Variants in PDCL2 observed in about 807,000 individuals in gnomAD.
PDCL2 encodes phosducin like 2.
Under a neutral mutation model 30.3 loss-of-function variants are expected in PDCL2, and 23 were observed. The observed-to-expected ratio is 0.76, with a 90% CI of 0.55 to 1.08. The LOEUF (loss-of-function observed/expected upper bound fraction) is 1.08. Ranked by LOEUF, PDCL2 falls within the 50% of genes least tolerant of loss-of-function variation. The probability of loss-of-function intolerance (pLI) is 0.00; values close to 1 mark genes in which losing one functional copy is unlikely to be tolerated. For synonymous variants in PDCL2, 68 were observed against 86.2 expected, an observed-to-expected ratio of 0.79 and a Z score of 1.17; for missense variants, 243 against 282.3, an observed-to-expected ratio of 0.86 and a Z score of 1.00.
chr4:55,591,511 CA>C (rs1732999872), intron 1 of PDCL2, among the ~76,000 whole-genome samples: 1 of 152,158 alleles, frequency 6.6e-6, no homozygotes, highest in East Asian at 1.9e-4. Context: ...TTCAGCCTCC[CA>C]GGTAGCTGGG....
At chr4:55,562,722 AAG>A in intron 4 of PDCL2, 110 bp from the exon 5 acceptor site, 1 of 681,218 alleles carries the variant, frequency 1.5e-6, no homozygotes. Context: ...ATTAATATAA[AAG>A]CACATTATTA....
Position 55,586,225 on chromosome 4 carries a change from T to C in PDCL2, c.7-3988A>G, listed in dbSNP as rs535650286. 1.9e-3 allele frequency among the ~76,000 whole-genome samples: 288 copies of C among 152,344 alleles called. 1 individual carries two copies. Among genetic ancestry groups the C allele is most frequent in the African/African-American group, 6.7e-3 (280 of 41,584 alleles). ...AATTTCTTCTTTGACCCATTGGTTGTTCAGTAGCATGTTGTTTAGTTTCCA... is the reference window on the plus strand; with the variant it reads ...AATTTCTTCTTTGACCCATTGGTTGCTCAGTAGCATGTTGTTTAGTTTCCA... On this transcript the variant is annotated intron_variant, in intron 1 of 5. Transcript: ENST00000295645.
At chr4:55,561,896 C>T (rs1302596264) in intron 5 of PDCL2, among the ~76,000 whole-genome samples, 2 of 152,072 alleles carry the variant, frequency 1.3e-5, no homozygotes, top group East Asian at 1.9e-4. Flanking sequence ...TGAGAATATA[C>T]ACTACAGAAA....
intron 1 of PDCL2, among the ~76,000 whole-genome samples, chr4:55,589,177 C>A (rs1415128375): frequency 6.6e-6 from 1 of 152,088 alleles, no homozygotes; most frequent in Non-Finnish European, 1.5e-5. Flanking sequence ...TGTTTTATAA[C>A]CTATTTCTGA....
At chr4:55,557,477 C>T (rs1465571156) in intron 5 of PDCL2, among the ~76,000 whole-genome samples, 1 of 152,030 alleles carries the variant, frequency 6.6e-6, no homozygotes, top group Non-Finnish European at 1.5e-5. Context: ...ATTCTCATGA[C>T]AACAACTCCA....
chr4:55,580,378 G>A (rs1035340226), intron 3 of PDCL2, among the ~76,000 whole-genome samples: 1 of 152,102 alleles, frequency 6.6e-6, no homozygotes, highest in South Asian at 2.1e-4. Flanking sequence ...ATTAGAACAG[G>A]TTCATACATT....
intron 4 of PDCL2, among the ~76,000 whole-genome samples, chr4:55,568,958 T>C (rs758278057): frequency 9.9e-5 from 15 of 152,154 alleles, no homozygotes; most frequent in Non-Finnish European, 2.2e-4. Context: ...ATCCCACAGT[T>C]TGTCACTCCT....
chr4:55,579,532 G>C (rs749762182), intron 3 of PDCL2, among the ~76,000 whole-genome samples: 9 of 152,202 alleles, frequency 5.9e-5, no homozygotes, highest in Non-Finnish European at 1.0e-4. Flanking sequence ...TGCCAGGCTG[G>C]TTTCAAACTC....
chr4:55,556,718 T>A lies in PDCL2; in HGVS notation c.572-7A>T. 5 of 1,524,948 alleles carry A rather than the reference T, an allele frequency of 3.3e-6. No individual in the cohort carries two copies. The highest frequency in any genetic ancestry group is 4.4e-6 in the Non-Finnish European group (5 of 1,136,954). 94.5% of individuals were successfully genotyped at this position (1,524,948 alleles called of 1,614,324 possible). ...GCTAGCTTCCATTCAAGTTCTGTAA[T>A]AAATAACCCATCATTCAGTTAAAAA... On this transcript the variant is annotated splice_polypyrimidine_tract_variant and splice_region_variant and intron_variant, in intron 5 of 5. Coordinates refer to ENST00000295645, the MANE Select transcript of PDCL2 (RefSeq NM_152401.3).
chr4:55,582,390 T>C (rs538610907), intron 1 of PDCL2, among the ~76,000 whole-genome samples, 153 bp from the exon 2 acceptor site: 1 of 152,346 alleles, frequency 6.6e-6, no homozygotes, highest in Admixed American at 6.5e-5. Flanking sequence ...TGACCTACTT[T>C]TTCCTGCTTC....
chr4:55,589,738 T>G (rs73817206), intron 1 of PDCL2, among the ~76,000 whole-genome samples: 6,587 of 152,256 alleles, frequency 0.043, 452 homozygotes, highest in African/African-American at 0.15. Context: ...TTTATGAGTA[T>G]GTATACCTCA....
intron 3 of PDCL2, among the ~76,000 whole-genome samples, chr4:55,578,717 C>A (rs1732634080): frequency 1.3e-5 from 2 of 152,082 alleles, no homozygotes; most frequent in Non-Finnish European, 2.9e-5. Context: ...CCAGGGGTTA[C>A]TTGATCACCT....
At chr4:55,583,175 C>T (rs891348412) in intron 1 of PDCL2, among the ~76,000 whole-genome samples, 1 of 152,100 alleles carries the variant, frequency 6.6e-6, no homozygotes, top group African/African-American at 2.4e-5. Flanking sequence ...CCCCATGTTG[C>T]TCCAGCTGGT....
intron 3 of PDCL2, 132 bp from the exon 4 acceptor site, chr4:55,569,993 CATGA>C: frequency 1.7e-6 from 1 of 604,320 alleles, no homozygotes; most frequent in Non-Finnish European, 2.6e-6. Context: ...ATGGGATAAC[CATGA>C]ATGATCTTAT....
chr4:55,589,536 C>T (rs939514839), intron 1 of PDCL2, among the ~76,000 whole-genome samples: 6 of 152,130 alleles, frequency 3.9e-5, no homozygotes, highest in Non-Finnish European at 8.8e-5. Flanking sequence ...CTCTTCTGTT[C>T]CAATAAGCAC....
chr4:55,557,336 T>A (rs1429986905), intron 5 of PDCL2, among the ~76,000 whole-genome samples: 1 of 152,180 alleles, frequency 6.6e-6, no homozygotes, highest in African/African-American at 2.4e-5. Flanking sequence ...GGCTGGGAAG[T>A]ACATGGTTGA....
chr4:55,561,389 C>G (rs1276674619), intron 5 of PDCL2, among the ~76,000 whole-genome samples: 1 of 152,042 alleles, frequency 6.6e-6, no homozygotes, highest in Non-Finnish European at 1.5e-5. Flanking sequence ...GGGCGAACCC[C>G]CATCTCTACT....
At chr4:55,568,623 C>T (rs1400478677) in intron 4 of PDCL2, among the ~76,000 whole-genome samples, 1 of 152,086 alleles carries the variant, frequency 6.6e-6, no homozygotes, top group African/African-American at 2.4e-5. Flanking sequence ...GAAGAACGTT[C>T]TTGAAGGGAT....
chr4:55,580,826 T>C lies in PDCL2; in HGVS notation c.213A>G (p.Thr71=). The change falls in exon 3 of 6, where the codon ACA becomes ACG. Residue 71 remains threonine, a synonymous_variant. Coordinates refer to ENST00000295645, the MANE Select transcript of PDCL2 (RefSeq NM_152401.3). ...FDEEDMQAVE[T]YRKKRLQEWK... ...ACCCAAATGAATCACTGTACCTATA[T>C]GTTTCAACAGCCTGCATATCTTCTT... 6.2e-7 allele frequency: 1 copy of C among 1,604,072 alleles called. No homozygotes were observed. Among genetic ancestry groups the C allele is most frequent in the Non-Finnish European group, 8.5e-7 (1 of 1,174,826 alleles).
Sources: gnomAD v4.1 joint callset for allele counts (sites outside exome capture counted in the v4.1 genomes callset) on GRCh38, gnomAD v4.1.1 for gene constraint, MANE v1.5 for transcripts, NCBI Gene and HGNC (gene_info 2026-07-23, HGNC 2026-07-21) for gene names.